ALOX5: variants seen among roughly 807,000 people sequenced by gnomAD.
The protein encoded by ALOX5 is arachidonate 5-lipoxygenase.
ALOX5 carries 64 observed loss-of-function variants against 87.9 expected under a neutral mutation model. The observed-to-expected ratio is 0.73, with a 90% CI of 0.60 to 0.90. The LOEUF is 0.90. Ranked by LOEUF, ALOX5 falls within the 40% of genes least tolerant of loss-of-function variation. The pLI is 0.00. For missense variants in ALOX5, 822 were observed against 907.5 expected (o/e 0.91, Z 1.21); for synonymous variants, 388 against 355.1 (o/e 1.09, Z -1.04).
chr10:45,393,538 T>G (rs990827796), intron 2 of ALOX5, among the ~76,000 whole-genome samples: 1 of 152,196 alleles, frequency 6.6e-6, no homozygotes, highest in Non-Finnish European at 1.5e-5. Context: ...CTTTGAAAAC[T>G]GGCACAAGAC....
rs147073946 is a variant in ALOX5, at chr10:45,439,260, G to A, written c.982-1170G>A. Reference sequence around the variant, plus strand: ...ATGTCTATTGGACAGCACTGTTTTCGAGGGAGAGACGCCCAAGGACCCCAC... The same window carrying A: ...ATGTCTATTGGACAGCACTGTTTTCAAGGGAGAGACGCCCAAGGACCCCAC... On this transcript the variant is annotated intron_variant, in intron 7 of 13. Transcript: ENST00000374391. Among the ~76,000 whole-genome samples, 14 of 151,960 alleles carry A rather than the reference G, an allele frequency of 9.2e-5. 1 individual carries two copies. The highest frequency in any genetic ancestry group is 8.8e-5 in the Non-Finnish European group (6 of 68,008).
rs1589032757 is a variant in ALOX5 at position 45,424,812 on chromosome 10, G to C, written c.662-148G>C. On this transcript the variant is annotated intron_variant, in intron 5 of 13. Transcript: ENST00000374391. ...CACAGCCTGACCCAGTGATGGGCAG[G>C]GGGCAGCAGTTGGAGCTGTGCCCAT... is the stretch of plus-strand genomic sequence containing the variant. The C allele has an allele frequency of 3.2e-6, 3 of 923,766 alleles. No individual in the cohort carries two copies. The East Asian group carries it at 7.5e-5, about 23-fold the overall frequency. 57.2% of individuals were successfully genotyped at this position (923,766 alleles called of 1,614,324 possible).
At chr10:45,416,925 G>C (rs1455295537) in intron 4 of ALOX5, among the ~76,000 whole-genome samples, 1 of 151,650 alleles carries the variant, frequency 6.6e-6, no homozygotes, top group Non-Finnish European at 1.5e-5. Context: ...TATAGACAGA[G>C]AGATGGATGG....
At chr10:45,419,251 G>T (rs1272316429) in intron 4 of ALOX5, among the ~76,000 whole-genome samples, 1 of 152,244 alleles carries the variant, frequency 6.6e-6, no homozygotes, top group East Asian at 1.9e-4. Context: ...GAGCGCAGGC[G>T]GGCGGAGAGC....
intron 2 of ALOX5, among the ~76,000 whole-genome samples, chr10:45,394,174 T>C (rs1307686967): frequency 6.6e-6 from 1 of 152,218 alleles, no homozygotes; most frequent in Non-Finnish European, 1.5e-5. Flanking sequence ...AGAACAAAGC[T>C]GGAGGCATCA....
intron 3 of ALOX5, among the ~76,000 whole-genome samples, chr10:45,411,171 A>C (rs111460364): frequency 0.018 from 2,669 of 152,328 alleles, 75 homozygotes; most frequent in African/African-American, 0.059. Context: ...ATGCATTATA[A>C]TTAGCATATA....
intron 6 of ALOX5, chr10:45,428,269 T>C: frequency 6.5e-6 from 2 of 309,942 alleles, no homozygotes; most frequent in South Asian, 1.2e-4. Context: ...GCAGCATCAT[T>C]TTTTGGCATT....
At chr10:45,432,916 G>A (rs1436502555) in intron 7 of ALOX5, among the ~76,000 whole-genome samples, 1 of 152,212 alleles carries the variant, frequency 6.6e-6, no homozygotes, top group African/African-American at 2.4e-5. Context: ...ACAGCTAAGA[G>A]ATGCCTATCT....
In ALOX5 at chr10:45,382,681, G is replaced by A. The variant is rs755292477; in HGVS notation, c.349G>A (p.Ala117Thr). 31 of 1,611,060 alleles carry A rather than the reference G, an allele frequency of 1.9e-5. No individual in the cohort carries two copies. Among genetic ancestry groups the A allele is most frequent in the Non-Finnish European group, 2.5e-5 (29 of 1,178,588 alleles). ...DVEVVLRDGR[A>T]KLARDDQIHI... Reference sequence around the variant, plus strand: ...CGAGGTTGTCCTGAGGGATGGACGCGGTGAGCAGCTCAGGCCCCTTCTGCC... The same window carrying A: ...CGAGGTTGTCCTGAGGGATGGACGCAGTGAGCAGCTCAGGCCCCTTCTGCC... Residue 117 changes from alanine (A) to threonine (T), a missense_variant and splice_region_variant, in exon 2 of 14, where the codon GCA (alanine) becomes ACA (threonine). Transcript: ENST00000374391.
intron 4 of ALOX5, among the ~76,000 whole-genome samples, chr10:45,416,740 G>A (rs545845308): frequency 6.6e-6 from 1 of 152,192 alleles, no homozygotes; most frequent in Non-Finnish European, 1.5e-5. Flanking sequence ...GAGGAAGGAT[G>A]GAAGAAGAGG....
chr10:45,412,115 T>C, intron 3 of ALOX5, 76 bp from the exon 4 acceptor site: 2 of 1,590,224 alleles, frequency 1.3e-6, no homozygotes, highest in Non-Finnish European at 1.7e-6. Context: ...CGTCTGACAG[T>C]GTGGGCGGCC....
chr10:45,418,745 T>G (rs1841392303), intron 4 of ALOX5, among the ~76,000 whole-genome samples: 1 of 150,868 alleles, frequency 6.6e-6, no homozygotes, highest in Admixed American at 6.6e-5. Flanking sequence ...GAGAGCCAAG[T>G]GGTTTGCGAA....
intron 3 of ALOX5, among the ~76,000 whole-genome samples, chr10:45,411,740 A>G (rs888214984): frequency 1.3e-5 from 2 of 152,258 alleles, no homozygotes; most frequent in African/African-American, 4.8e-5. Flanking sequence ...CAAATGCCAC[A>G]TGCAGGACAT....
intron 4 of ALOX5, among the ~76,000 whole-genome samples, chr10:45,422,036 C>A (rs540462966): frequency 6.6e-6 from 1 of 152,262 alleles, no homozygotes; most frequent in Admixed American, 6.5e-5. Context: ...GTAGCCAGGA[C>A]AAAGGAGAGA....
intron 2 of ALOX5, among the ~76,000 whole-genome samples, chr10:45,386,199 G>A (rs1840002158): frequency 6.6e-6 from 1 of 152,050 alleles, no homozygotes; most frequent in Non-Finnish European, 1.5e-5. Context: ...TACTTGGGAG[G>A]CTGAGGCAGG....
At chr10:45,388,961 T>A (rs1331802925) in intron 2 of ALOX5, among the ~76,000 whole-genome samples, 2 of 152,156 alleles carry the variant, frequency 1.3e-5, no homozygotes, top group Admixed American at 1.3e-4. Context: ...ATTAGACGAA[T>A]GGCTAACTAG....
chr10:45,385,038 G>C (rs1427834872), intron 2 of ALOX5, among the ~76,000 whole-genome samples: 1 of 151,992 alleles, frequency 6.6e-6, no homozygotes, highest in Non-Finnish European at 1.5e-5. Flanking sequence ...CTAGAGAAAG[G>C]GTTTTGCCAT....
At chr10:45,396,129 G>A (rs1054591673) in intron 3 of ALOX5, among the ~76,000 whole-genome samples, 193 bp downstream of exon 3, 5 of 152,210 alleles carry the variant, frequency 3.3e-5, no homozygotes, top group Non-Finnish European at 5.9e-5. Flanking sequence ...AGATGGAGAG[G>A]AGAGTAATGA....
intron 7 of ALOX5, among the ~76,000 whole-genome samples, chr10:45,437,569 G>A (rs1842096190): frequency 6.6e-6 from 1 of 152,182 alleles, no homozygotes; most frequent in African/African-American, 2.4e-5. Flanking sequence ...TACATTCTAT[G>A]TCCTTGTACT....
Sources: allele counts gnomAD v4.1 joint callset (sites outside exome capture counted in the v4.1 genomes callset), GRCh38; gene constraint gnomAD v4.1.1; transcripts MANE v1.5; gene names NCBI Gene and HGNC (gene_info 2026-07-23, HGNC 2026-07-21).